Variants in TMEM117 observed in about 807,000 individuals in gnomAD.
TMEM117 encodes transmembrane protein 117.
TMEM117 carries 27 observed loss-of-function variants against 52.4 expected under a neutral mutation model. That is an observed-to-expected ratio of 0.51 (90% CI 0.38 to 0.71). The LOEUF (loss-of-function observed/expected upper bound fraction) is 0.71. Among genes scored for constraint, TMEM117 ranks in the 30% least tolerant of loss-of-function variants. The probability of loss-of-function intolerance (pLI) is 0.00; values close to 1 mark genes in which losing one functional copy is unlikely to be tolerated. For missense variants in TMEM117, 556 were observed against 630.5 expected (o/e 0.88, Z 1.26); for synonymous variants, 215 against 206.3 (o/e 1.04, Z -0.36).
intron 4 of TMEM117, among the ~76,000 whole-genome samples, chr12:44,158,247 TC>T (rs1948853231): frequency 1.3e-5 from 2 of 152,170 alleles, no homozygotes; most frequent in Admixed American, 1.3e-4. Flanking sequence ...CATTGACTTG[TC>T]TATAAAAGTA....
At chr12:44,297,687 A>G (rs1383710036) in intron 5 of TMEM117, among the ~76,000 whole-genome samples, 1 of 152,236 alleles carries the variant, frequency 6.6e-6, no homozygotes, top group Non-Finnish European at 1.5e-5. Context: ...TTTATTCTTC[A>G]TCAAGGTTGC....
At chr12:43,882,463 A>AAG (rs1221813794) in intron 2 of TMEM117, among the ~76,000 whole-genome samples, 3 of 151,120 alleles carry the variant, frequency 2.0e-5, no homozygotes, top group African/African-American at 4.9e-5. Flanking sequence ...TTCATCTCAA[A>AAG]AAAAAAAAAA....
chr12:43,806,413 C>T, the TMEM117 span: 2 of 1,154,778 alleles, frequency 1.7e-6, no homozygotes, highest in Non-Finnish European at 2.1e-6. Flanking sequence ...CCCCGCCGCC[C>T]CGCCGCCCTT....
chr12:43,840,006 G>C (rs1943092345), intron 1 of TMEM117, among the ~76,000 whole-genome samples: 2 of 152,116 alleles, frequency 1.3e-5, no homozygotes, highest in African/African-American at 4.8e-5. Context: ...CAGCCACACA[G>C]AACTAGTGAT....
intron 5 of TMEM117, among the ~76,000 whole-genome samples, chr12:44,221,758 G>A (rs929810309): frequency 6.6e-6 from 1 of 151,760 alleles, no homozygotes; most frequent in African/African-American, 2.4e-5. Flanking sequence ...GAGTACAGTG[G>A]CATGATCGCG....
At chr12:43,997,028 T>A (rs1442122994) in intron 3 of TMEM117, among the ~76,000 whole-genome samples, 1 of 152,200 alleles carries the variant, frequency 6.6e-6, no homozygotes, top group Non-Finnish European at 1.5e-5. Context: ...CTTAAGCCAG[T>A]AGATTCTTTT....
chr12:44,387,904 T>A (rs1952112014), intron 7 of TMEM117, 122 bp from the exon 8 acceptor site: 1 of 924,164 alleles, frequency 1.1e-6, no homozygotes, highest in Non-Finnish European at 1.6e-6. Flanking sequence ...AAATATTAAT[T>A]GTTAACCAGT....
chr12:44,369,512 A>C (rs191685993), intron 6 of TMEM117, among the ~76,000 whole-genome samples: 22 of 152,334 alleles, frequency 1.4e-4, no homozygotes, highest in Admixed American at 1.4e-3. Context: ...AGGAAAATTC[A>C]TATTGGCCTT....
intron 6 of TMEM117, among the ~76,000 whole-genome samples, chr12:44,375,010 A>G (rs1177848655): frequency 1.3e-5 from 2 of 152,020 alleles, no homozygotes; most frequent in Non-Finnish European, 2.9e-5. Flanking sequence ...TTCAATGTCT[A>G]TTATTATTAT....
intron 3 of TMEM117, among the ~76,000 whole-genome samples, chr12:44,119,579 T>C (rs955464912): frequency 1.3e-5 from 2 of 152,160 alleles, no homozygotes; most frequent in African/African-American, 4.8e-5. Context: ...ATTGCAGTTG[T>C]CCTTTGTAGT....
At chr12:43,894,964 T>C (rs1486740224) in intron 2 of TMEM117, among the ~76,000 whole-genome samples, 1 of 152,228 alleles carries the variant, frequency 6.6e-6, no homozygotes, top group East Asian at 1.9e-4. Context: ...TCAATGGGTT[T>C]ATTAATTGTG....
rs965439962 is a variant in TMEM117, at chr12:43,873,054, T to C, written c.277+28126T>C. ...CAAAGGTGCCATGAGAAATAAAATC[T>C]TAGGAAGAGGATGCTCAATAGTGAT... On this transcript the variant is annotated intron_variant, in intron 2 of 7. Coordinates refer to ENST00000266534, the MANE Select transcript of TMEM117 (RefSeq NM_032256.3). Among the ~76,000 whole-genome samples the C allele has an allele frequency of 3.6e-4, 55 of 152,162 alleles. 1 individual carries two copies. The highest frequency in any genetic ancestry group is 3.9e-4 in the Admixed American group (6 of 15,282).
chr12:43,876,013 C>T (rs1332841191), intron 2 of TMEM117, among the ~76,000 whole-genome samples: 1 of 152,140 alleles, frequency 6.6e-6, no homozygotes, highest in African/African-American at 2.4e-5. Flanking sequence ...TTTTGATTGG[C>T]TTAGTTCTTT....
chr12:44,284,237 G>A (rs1302716418), intron 5 of TMEM117, among the ~76,000 whole-genome samples: 4 of 152,002 alleles, frequency 2.6e-5, no homozygotes, highest in Non-Finnish European at 4.4e-5. Context: ...GCTTGAACCC[G>A]AGAGGTGGAG....
chr12:44,133,248 G>C (rs762609277), intron 3 of TMEM117, among the ~76,000 whole-genome samples: 1 of 152,222 alleles, frequency 6.6e-6, no homozygotes, highest in Non-Finnish European at 1.5e-5. Context: ...ATGAGTGGCA[G>C]TAGCAGGCTC....
chr12:43,981,430 T>C (rs1945758634), intron 3 of TMEM117, among the ~76,000 whole-genome samples: 1 of 152,180 alleles, frequency 6.6e-6, no homozygotes, highest in Non-Finnish European at 1.5e-5. Flanking sequence ...ATCATAGTTA[T>C]AGAGCTTCAG....
At chr12:44,223,487 G>T (rs1421892309) in intron 5 of TMEM117, among the ~76,000 whole-genome samples, 1 of 150,600 alleles carries the variant, frequency 6.6e-6, no homozygotes, top group Non-Finnish European at 1.5e-5. Flanking sequence ...TTTGGAACTA[G>T]ATCCCTCAGT....
chr12:44,221,229 C>T (rs536764374), intron 5 of TMEM117, among the ~76,000 whole-genome samples: 2 of 152,056 alleles, frequency 1.3e-5, no homozygotes, highest in African/African-American at 4.8e-5. Context: ...TCTATTTGGG[C>T]CCAATTTTTA....
intron 3 of TMEM117, among the ~76,000 whole-genome samples, chr12:44,036,611 CAT>C (rs1389181681): frequency 1.3e-5 from 2 of 152,168 alleles, no homozygotes; most frequent in Non-Finnish European, 2.9e-5. Flanking sequence ...AGGAAAATAA[CAT>C]AAAAAATCTT....
Sources: allele counts gnomAD v4.1 joint callset (sites outside exome capture counted in the v4.1 genomes callset), GRCh38; gene constraint gnomAD v4.1.1; transcripts MANE v1.5; gene names NCBI Gene and HGNC (gene_info 2026-07-23, HGNC 2026-07-21).